ADAP1: variants seen among roughly 807,000 people sequenced by gnomAD.
ADAP1 encodes ArfGAP with dual PH domains 1, also known as arf-GAP with dual PH domain-containing protein 1.
ADAP1 carries 31 observed loss-of-function variants against 54.9 expected under a neutral mutation model. The ratio of observed to expected loss-of-function variants is 0.56; its 90% CI spans 0.42 to 0.76. The LOEUF (loss-of-function observed/expected upper bound fraction) is 0.76. Among genes scored for constraint, ADAP1 ranks in the 30% least tolerant of loss-of-function variants. The pLI is 0.00. For missense variants in ADAP1, 535 were observed against 512.4 expected, an observed-to-expected ratio of 1.04 and a Z score of -0.42; for synonymous variants, 313 against 202.6, an observed-to-expected ratio of 1.55 and a Z score of -4.63.
chr7:916,581 G>C (rs1049563254), intron 4 of ADAP1, among the ~76,000 whole-genome samples: 1 of 152,198 alleles, frequency 6.6e-6, no homozygotes, highest in Non-Finnish European at 1.5e-5. Flanking sequence ...GGCAGGAGTG[G>C]AGCGAGGGGT....
chr7:906,690 G>GAAA (rs1562915173), intron 4 of ADAP1, among the ~76,000 whole-genome samples: 1 of 61,108 alleles, frequency 1.6e-5, no homozygotes, highest in East Asian at 2.1e-3. Flanking sequence ...GGGGACACGG[G>GAAA]GGACATGGAC....
rs1392966287 is a variant in ADAP1, at chr7:920,865, G to A, written c.306-815C>T. ...CCCAGGTGCACAGGCAGCCGCCCCAGCCTTTTCCACTCCCAGGGAATTACG... is the reference window on the plus strand; with the variant it reads ...CCCAGGTGCACAGGCAGCCGCCCCAACCTTTTCCACTCCCAGGGAATTACG... On this transcript the variant is annotated intron_variant, in intron 3 of 10. Coordinates refer to ENST00000265846, the MANE Select transcript of ADAP1 (RefSeq NM_006869.4). The surrounding 1 kb of genome is among the most constrained non-coding windows in gnomAD (Gnocchi z 4.5). 1.9e-6 allele frequency: 3 copies of A among 1,549,994 alleles called. No homozygotes were observed. The highest frequency in any genetic ancestry group is 2.7e-5 in the African/African-American group (2 of 73,010).
At chr7:916,807 A>G (rs1229030085) in intron 4 of ADAP1, among the ~76,000 whole-genome samples, 1 of 152,114 alleles carries the variant, frequency 6.6e-6, no homozygotes, top group Non-Finnish European at 1.5e-5. Flanking sequence ...GGACCGCTGC[A>G]TGAGACCCCA....
chr7:944,602 G>A (rs1040431743), intron 1 of ADAP1, among the ~76,000 whole-genome samples: 2 of 152,070 alleles, frequency 1.3e-5, no homozygotes, highest in Non-Finnish European at 2.9e-5. Context: ...CATAAGAGGT[G>A]TATATATTTA....
rs1428541915 is a variant in ADAP1 at position 904,420 on chromosome 7, C to T, written c.502-148G>A. ...ACTTAAGCGCTCTGAGCCTTGGCCTCCCGGTCTGTAAGCAGAAGGTAACAG... is the reference window on the plus strand; with the variant it reads ...ACTTAAGCGCTCTGAGCCTTGGCCTTCCGGTCTGTAAGCAGAAGGTAACAG... On this transcript the variant is annotated intron_variant, in intron 5 of 10. Transcript: ENST00000265846. The T allele has an allele frequency of 8.0e-6, 8 of 999,968 alleles. No homozygotes were observed. The East Asian group carries it at 2.3e-4, about 28-fold the overall frequency. The allele number at this position is 999,968 out of a possible 1,614,324, so 61.9% of individuals were successfully genotyped here.
At chr7:913,596 C>T (rs900946865) in intron 4 of ADAP1, among the ~76,000 whole-genome samples, 3 of 152,132 alleles carry the variant, frequency 2.0e-5, no homozygotes, top group African/African-American at 7.2e-5. Flanking sequence ...CTTATACCAT[C>T]TTCCTTTTGT....
intron 4 of ADAP1, among the ~76,000 whole-genome samples, chr7:915,732 G>T (rs908723780): frequency 6.6e-6 from 1 of 152,112 alleles, no homozygotes; most frequent in Non-Finnish European, 1.5e-5. Context: ...GGGGCAGGAG[G>T]CGTCTTGGGT....
intron 4 of ADAP1, among the ~76,000 whole-genome samples, chr7:908,679 G>C (rs1432556289): frequency 6.6e-6 from 1 of 152,170 alleles, no homozygotes; most frequent in Non-Finnish European, 1.5e-5. Context: ...CCGACATCAG[G>C]ACCTCTTTGG....
chr7:909,709 C>T (rs183985971), intron 4 of ADAP1, among the ~76,000 whole-genome samples: 8 of 152,242 alleles, frequency 5.3e-5, no homozygotes, highest in African/African-American at 9.6e-5. Context: ...CCTGGACAGC[C>T]GGGTGGGCTG....
chr7:905,169 T>G lies in ADAP1; in HGVS notation c.392A>C (p.Tyr131Ser), dbSNP rs779632358. ...ACGCTTCCAGAGAAAACCCTCACGG[T>G]ACCCTGTGGGGGAAAGGGGACACGA... ...PEKQEPYSAG[Y>S]REGFLWKRGR... The change falls in exon 5 of 11, where the codon TAC (tyrosine) becomes TCC (serine). Residue 131 changes from tyrosine (Y) to serine (S), a missense_variant. Coordinates refer to ENST00000265846, the MANE Select transcript of ADAP1 (RefSeq NM_006869.4). 7 of 1,610,136 alleles carry G rather than the reference T, an allele frequency of 4.3e-6. No individual in the cohort carries two copies. In the African/African-American group the frequency reaches 9.4e-5, roughly 22 times the overall value.
intron 4 of ADAP1, among the ~76,000 whole-genome samples, chr7:914,006 T>TG (rs763218799): frequency 6.6e-6 from 1 of 151,922 alleles, no homozygotes; most frequent in Non-Finnish European, 1.5e-5. Flanking sequence ...AGGGATGGAG[T>TG]GGGGCTCCGC....
intron 1 of ADAP1, among the ~76,000 whole-genome samples, chr7:942,636 G>GA (rs1442394475): frequency 5.3e-4 from 12 of 22,456 alleles, no homozygotes; most frequent in East Asian, 3.2e-3. Flanking sequence ...GAGGAAGGGA[G>GA]GAGGAGGAAG....
intron 4 of ADAP1, 137 bp from the exon 5 acceptor site, chr7:905,309 G>GGGCGGGGA: frequency 6.7e-6 from 2 of 297,474 alleles, no homozygotes; most frequent in Non-Finnish European, 1.2e-5. Flanking sequence ...AGGGGGAGAC[G>GGGCGGGGA]GACGGGGAGA....
At chr7:900,288 G>T in intron 7 of ADAP1, 124 bp from the exon 8 acceptor site, 1 of 1,199,650 alleles carries the variant, frequency 8.3e-7, no homozygotes, top group Non-Finnish European at 1.2e-6. Flanking sequence ...GCCTGGCTTA[G>T]CCTCCGCAGG....
At chr7:941,326 A>G (rs1349344979) in intron 1 of ADAP1, among the ~76,000 whole-genome samples, 1 of 152,218 alleles carries the variant, frequency 6.6e-6, no homozygotes, top group African/African-American at 2.4e-5. Flanking sequence ...AGGCAATATA[A>G]AGAAATAAAA....
At chr7:927,494 C>G in intron 2 of ADAP1, 1 of 471,188 alleles carries the variant, frequency 2.1e-6, no homozygotes, top group Non-Finnish European at 4.4e-6. Context: ...CTGAACACCA[C>G]TCGCCTGAGG....
chr7:909,147 G>A (rs982459362), intron 4 of ADAP1, among the ~76,000 whole-genome samples: 1 of 145,658 alleles, frequency 6.9e-6, no homozygotes, highest in Non-Finnish European at 1.5e-5. Flanking sequence ...AGGCGCCAGC[G>A]GGAACCCCGG....
intron 2 of ADAP1, chr7:935,081 C>T: frequency 3.6e-6 from 2 of 549,134 alleles, no homozygotes; most frequent in South Asian, 3.1e-5. Flanking sequence ...TTGAGGGGAG[C>T]ACTCCGGAGC....
chr7:954,519 G>T lies in ADAP1; in HGVS notation c.-42C>A. The stretch of plus-strand genomic sequence containing the variant: ...CGATGCCGATGCCGGGGCCGGGGCC[G>T]GGAGCGTCAGCCCGGCTCGCTAGGG... On this transcript the variant is annotated 5_prime_UTR_variant, in exon 1 of 11. Coordinates refer to ENST00000265846, the MANE Select transcript of ADAP1 (RefSeq NM_006869.4). 9.9e-7 allele frequency: 1 copy of T among 1,005,566 alleles called. No individual in the cohort carries two copies. The highest frequency in any genetic ancestry group is 1.2e-6 in the Non-Finnish European group (1 of 845,310). 62.3% of individuals were successfully genotyped at this position (1,005,566 alleles called of 1,614,324 possible).
Sources: allele counts gnomAD v4.1 joint callset (sites outside exome capture counted in the v4.1 genomes callset), GRCh38; gene constraint gnomAD v4.1.1; non-coding constraint Gnocchi (gnomAD v3.1); transcripts MANE v1.5; gene names NCBI Gene and HGNC (gene_info 2026-07-23, HGNC 2026-07-21).